Variants in NCAM2 observed in about 807,000 individuals in gnomAD.
NCAM2 encodes the protein neural cell adhesion molecule 2.
A neutral mutation model predicts 98.1 loss-of-function variants in NCAM2; 30 were observed. The observed-to-expected ratio is 0.31, with a 90% confidence interval of 0.23 to 0.41. The LOEUF is 0.41. Ranked by LOEUF, NCAM2 falls within the 10% of genes least tolerant of loss-of-function variation. The probability of loss-of-function intolerance (pLI) is 1.00; values close to 1 mark genes in which losing one functional copy is unlikely to be tolerated. For missense variants in NCAM2, 867 were observed against 1,005.8 expected (o/e 0.86, Z 1.87); for synonymous variants, 368 against 342.4 (o/e 1.07, Z -0.83).
chr21:21,367,123 G>T (rs551730919), intron 8 of NCAM2, among the ~76,000 whole-genome samples: 1 of 151,900 alleles, frequency 6.6e-6, no homozygotes, highest in Non-Finnish European at 1.5e-5. Flanking sequence ...ATATAATTTG[G>T]CTCATTCTTT....
At chr21:20,998,778 TA>T (rs2063966415) in intron 1 of NCAM2, among the ~76,000 whole-genome samples, 160 bp downstream of exon 1, 1 of 152,220 alleles carries the variant, frequency 6.6e-6, no homozygotes, top group Non-Finnish European at 1.5e-5. Context: ...TAGCTGTCCC[TA>T]AAATTGTATC....
rs116661476 is a variant in NCAM2 at position 21,423,932 on chromosome 21, A to G, written c.1480+5363A>G. Among the ~76,000 whole-genome samples the G allele has an allele frequency of 3.4e-3, 524 of 152,312 alleles. 3 individuals are homozygous for G. Among genetic ancestry groups the G allele is most frequent in the African/African-American group, 0.012 (497 of 41,568 alleles). ...AACTGGATCAATTGAATAGAATTCT[A>G]AGATATGGAATTATGGCCGATCTAC... On this transcript the variant is annotated intron_variant, in intron 11 of 17. Transcript: ENST00000400546.
At chr21:21,119,091 A>C (rs947634425) in intron 1 of NCAM2, among the ~76,000 whole-genome samples, 1 of 152,090 alleles carries the variant, frequency 6.6e-6, no homozygotes, top group Non-Finnish European at 1.5e-5. Context: ...CAGAAGTTCA[A>C]CTGTCATTTT....
At chr21:21,518,534 TA>T (rs2146381439) in intron 16 of NCAM2, among the ~76,000 whole-genome samples, 1 of 152,080 alleles carries the variant, frequency 6.6e-6, no homozygotes, top group Non-Finnish European at 1.5e-5. Context: ...TCTTCCTAAC[TA>T]AACAAACAGA....
intron 1 of NCAM2, among the ~76,000 whole-genome samples, chr21:21,218,450 G>A (rs1568785963): frequency 1.3e-5 from 2 of 152,200 alleles, no homozygotes; most frequent in Non-Finnish European, 2.9e-5. Context: ...AGATGTCCAT[G>A]TGTCTGGAAC....
intron 16 of NCAM2, among the ~76,000 whole-genome samples, chr21:21,526,830 T>G (rs1989349485): frequency 6.6e-6 from 1 of 151,966 alleles, no homozygotes; most frequent in South Asian, 2.1e-4. Context: ...ATAAATATAC[T>G]CAAGTAAACT....
intron 5 of NCAM2, among the ~76,000 whole-genome samples, chr21:21,311,013 T>C (rs1018008429): frequency 6.6e-6 from 1 of 152,200 alleles, no homozygotes; most frequent in Non-Finnish European, 1.5e-5. Flanking sequence ...GCACTTAAAA[T>C]CAGGTAGTAT....
intron 12 of NCAM2, among the ~76,000 whole-genome samples, chr21:21,444,775 A>G (rs537500311): frequency 1.4e-4 from 22 of 152,082 alleles, no homozygotes; most frequent in African/African-American, 5.1e-4. Context: ...TAATTTTTCA[A>G]AAAACCAGCT....
chr21:21,071,634 A>G (rs1235301532), intron 1 of NCAM2, among the ~76,000 whole-genome samples: 1 of 152,192 alleles, frequency 6.6e-6, no homozygotes, highest in East Asian at 1.9e-4. Flanking sequence ...GTTAGAAGTG[A>G]AAATAATTTA....
intron 15 of NCAM2, among the ~76,000 whole-genome samples, chr21:21,487,369 A>G (rs533257001): frequency 2.6e-5 from 4 of 151,968 alleles, no homozygotes; most frequent in African/African-American, 7.3e-5. Context: ...TATTTTAAGT[A>G]TCTTCCTAGT....
At position 21,275,443 on chromosome 21, in the gene NCAM2, AAAATAAAAAATAAAAAT is replaced by A. The variant is rs2072692932; in HGVS notation, c.56-5124_56-5108del. The stretch of plus-strand genomic sequence containing the variant: ...CGACAGAGCGAGACTCTGTCATAAA[AAAATAAAAAATAAAAAT>A]AAATAAAAAAAGAAAAATAAAAAAT... On this transcript the variant is annotated intron_variant, in intron 1 of 17. Transcript: ENST00000400546. Among the ~76,000 whole-genome samples the A allele has an allele frequency of 2.6e-5, 4 of 151,792 alleles. No individual in the cohort carries two copies. The South Asian group carries it at 8.3e-4, about 31-fold the overall frequency.
At chr21:21,259,911 TAAG>T (rs1423232642) in intron 1 of NCAM2, among the ~76,000 whole-genome samples, 6 of 122,942 alleles carry the variant, frequency 4.9e-5, no homozygotes, top group Admixed American at 1.8e-4. Context: ...CAAATAAAAA[TAAG>T]AAGCAACACA....
Position 21,363,353 on chromosome 21 carries a change from G to A in NCAM2, c.1045-10510G>A, listed in dbSNP as rs1307505970. On this transcript the variant is annotated intron_variant, in intron 8 of 17. Coordinates refer to ENST00000400546, the MANE Select transcript of NCAM2 (RefSeq NM_004540.5). ...CAGCATCATAAGTTGTCATATTGCAGATATTACCACTAGGTAGAATACTTT... is the reference window on the plus strand; with the variant it reads ...CAGCATCATAAGTTGTCATATTGCAAATATTACCACTAGGTAGAATACTTT... Among the ~76,000 whole-genome samples, 4 of 152,190 alleles carry A rather than the reference G, an allele frequency of 2.6e-5. No homozygotes were observed. The East Asian group carries it at 7.7e-4, about 29-fold the overall frequency.
intron 1 of NCAM2, among the ~76,000 whole-genome samples, chr21:21,028,353 C>A (rs191808581): frequency 3.9e-5 from 6 of 152,156 alleles, no homozygotes; most frequent in African/African-American, 1.2e-4. Context: ...AATCATAATC[C>A]GATTCAAAAA....
In NCAM2 at chr21:21,432,337, T is replaced by C; in HGVS notation, c.1654+56T>C. The C allele has an allele frequency of 2.0e-6, 3 of 1,504,778 alleles. No individual in the cohort carries two copies. In the Middle Eastern group the frequency reaches 5.5e-4, roughly 276 times the overall value. 93.2% of individuals were successfully genotyped at this position (1,504,778 alleles called of 1,614,324 possible). On this transcript the variant is annotated intron_variant, in intron 12 of 17. Transcript: ENST00000400546. ...AATTCAAGCTGATCTTCAGTATACC[T>C]GTATGATTGGCTTTTTCGGTTTCCT...
intron 9 of NCAM2, among the ~76,000 whole-genome samples, chr21:21,379,159 T>C (rs1367525346): frequency 1.3e-5 from 2 of 152,102 alleles, no homozygotes; most frequent in African/African-American, 4.8e-5. Context: ...AAAGGACTTT[T>C]CTTTTTCTAG....
chr21:21,452,270 TTCTAAC>T (rs1981241842), intron 12 of NCAM2, among the ~76,000 whole-genome samples: 3 of 150,618 alleles, frequency 2.0e-5, no homozygotes, highest in Non-Finnish European at 1.5e-5. Flanking sequence ...TACATACATA[TTCTAAC>T]ACAAATGACT....
rs532090902 is a variant in NCAM2 at position 21,461,761 on chromosome 21, A to G, written c.1655-4845A>G. Among the ~76,000 whole-genome samples the G allele has an allele frequency of 6.6e-5, 10 of 152,108 alleles. No homozygotes were observed. In the East Asian group the frequency reaches 1.9e-3, roughly 29 times the overall value. ...TATGCAAGTAATGAGAACTTCAAAC[A>G]CAATATAATTTGTGCAAAAATGTAA... On this transcript the variant is annotated intron_variant, in intron 12 of 17. Transcript: ENST00000400546.
intron 1 of NCAM2, among the ~76,000 whole-genome samples, chr21:21,062,687 G>A (rs2065347998): frequency 6.6e-6 from 1 of 152,226 alleles, no homozygotes; most frequent in East Asian, 1.9e-4. Context: ...CAACTAGTAG[G>A]TCAGTTTTTT....
Sources: allele counts gnomAD v4.1 joint callset (sites outside exome capture counted in the v4.1 genomes callset), GRCh38; gene constraint gnomAD v4.1.1; transcripts MANE v1.5; gene names NCBI Gene and HGNC (gene_info 2026-07-23, HGNC 2026-07-21).